The following RAD51B variants were observed in gnomAD, a reference collection of about 807,000 sequenced individuals.
The protein encoded by RAD51B is DNA repair protein RAD51 homolog 2.
RAD51B carries 38 observed loss-of-function variants against 42.2 expected under a neutral mutation model. The ratio of observed to expected loss-of-function variants is 0.90; its 90% confidence interval spans 0.70 to 1.18. RAD51B has a LOEUF of 1.18. Ranked by LOEUF, RAD51B falls within the 50% of genes most tolerant of loss-of-function variation. The pLI, the probability that RAD51B is intolerant of heterozygous loss-of-function variation, is 0.00. For missense variants in RAD51B, 373 were observed against 400.7 expected (o/e 0.93, Z 0.59); for synonymous variants, 154 against 145.2 (o/e 1.06, Z -0.43).
intron 10 of RAD51B, among the ~76,000 whole-genome samples, chr14:68,603,855 C>G (rs930031157): frequency 3.3e-5 from 5 of 152,230 alleles, no homozygotes; most frequent in Non-Finnish European, 5.9e-5. Context: ...TGCTGTCAGG[C>G]TACCTCCGTG....
At chr14:68,335,114 T>G (rs2082424421) in intron 8 of RAD51B, among the ~76,000 whole-genome samples, 1 of 150,244 alleles carries the variant, frequency 6.7e-6, no homozygotes, top group Non-Finnish European at 1.5e-5. Flanking sequence ...CTGGCCAACA[T>G]AGTCAAACCA....
chr14:68,091,743 T>C (rs888142597), intron 7 of RAD51B, among the ~76,000 whole-genome samples: 1 of 152,240 alleles, frequency 6.6e-6, no homozygotes, highest in African/African-American at 2.4e-5. Flanking sequence ...TGGCCATTGC[T>C]TTTGGTGTGT....
At chr14:67,921,749 A>G (rs1427125958) in intron 7 of RAD51B, among the ~76,000 whole-genome samples, 1 of 151,950 alleles carries the variant, frequency 6.6e-6, no homozygotes, top group Non-Finnish European at 1.5e-5. Context: ...CCAGTTCCCA[A>G]CTGGTGCCAC....
At chr14:68,380,666 A>G (rs1228276048) in intron 8 of RAD51B, among the ~76,000 whole-genome samples, 2 of 152,254 alleles carry the variant, frequency 1.3e-5, no homozygotes, top group Admixed American at 6.5e-5. Context: ...TGCCTGTGCC[A>G]TAACTCACTC....
At chr14:68,573,401 T>C (rs1594986859) in intron 10 of RAD51B, among the ~76,000 whole-genome samples, 1 of 152,346 alleles carries the variant, frequency 6.6e-6, no homozygotes, top group East Asian at 1.9e-4. Flanking sequence ...TCCTTCCACC[T>C]GGATTGCTCC....
At chr14:67,929,771 A>G (rs1595123040) in intron 7 of RAD51B, among the ~76,000 whole-genome samples, 1 of 147,312 alleles carries the variant, frequency 6.8e-6, no homozygotes, top group Non-Finnish European at 1.5e-5. Context: ...TGATCCCTTT[A>G]TCATTATATA....
rs111785051 is a variant in RAD51B at position 68,340,807 on chromosome 14, C to T, written c.853+48827C>T. Among the ~76,000 whole-genome samples, 915 of 152,288 alleles carry T rather than the reference C, an allele frequency of 6.0e-3. 5 individuals are homozygous for T. The highest frequency in any genetic ancestry group is 7.9e-3 in the Non-Finnish European group (538 of 68,026). On this transcript the variant is annotated intron_variant, in intron 8 of 10. Coordinates refer to ENST00000471583, the MANE Select transcript of RAD51B (RefSeq NM_133510.4). ...TTGGGATATCCCAAGACATCCATGA[C>T]GCTTGGCTCTCTAGGACATTGAAAT...
chr14:68,145,210 A>G (rs944920219), intron 7 of RAD51B, among the ~76,000 whole-genome samples: 1 of 152,174 alleles, frequency 6.6e-6, no homozygotes. Flanking sequence ...CTTCTGACCC[A>G]TTGTCTAGTG....
At chr14:68,462,738 G>T (rs1345701896) in intron 9 of RAD51B, among the ~76,000 whole-genome samples, 1 of 152,180 alleles carries the variant, frequency 6.6e-6, no homozygotes, top group African/African-American at 2.4e-5. Flanking sequence ...AAAGAGAGGA[G>T]AAAGTGTATT....
At chr14:68,250,381 A>T (rs901987815) in intron 7 of RAD51B, among the ~76,000 whole-genome samples, 1 of 152,352 alleles carries the variant, frequency 6.6e-6, no homozygotes, top group Admixed American at 6.5e-5. Context: ...AAAATGAGTC[A>T]TGGCTTGTTT....
chr14:67,990,065 T>TCGGCTCA (rs2075268893), intron 7 of RAD51B, among the ~76,000 whole-genome samples: 1 of 146,836 alleles, frequency 6.8e-6, no homozygotes, highest in African/African-American at 2.5e-5. Context: ...TGGCGCAATC[T>TCGGCTCA]CGGCTCACTG....
intron 7 of RAD51B, among the ~76,000 whole-genome samples, chr14:68,041,746 G>C (rs892179320): frequency 6.6e-6 from 1 of 152,086 alleles, no homozygotes; most frequent in African/African-American, 2.4e-5. Context: ...ATGTCATCCT[G>C]ACTCTTAGCT....
chr14:67,943,982 A>G (rs1180767279), intron 7 of RAD51B, among the ~76,000 whole-genome samples: 1 of 152,056 alleles, frequency 6.6e-6, no homozygotes, highest in Non-Finnish European at 1.5e-5. Flanking sequence ...AATTTGCTAC[A>G]TTTCTCATTT....
chr14:67,874,194 A>G (rs909943868), intron 5 of RAD51B, among the ~76,000 whole-genome samples: 4 of 152,198 alleles, frequency 2.6e-5, no homozygotes, highest in Non-Finnish European at 5.9e-5. Flanking sequence ...TATTTTTAGA[A>G]GCAATGCACT....
chr14:68,626,890 C>T (rs1303809361), intron 10 of RAD51B, among the ~76,000 whole-genome samples: 1 of 152,158 alleles, frequency 6.6e-6, no homozygotes, highest in Admixed American at 6.5e-5. Context: ...TCTATTACAG[C>T]TTCCTTTATA....
intron 10 of RAD51B, among the ~76,000 whole-genome samples, chr14:68,545,111 G>T (rs1045268189): frequency 4.6e-5 from 7 of 152,216 alleles, no homozygotes; most frequent in Non-Finnish European, 1.0e-4. Context: ...ACCAACTCAT[G>T]ATCTAGATGA....
chr14:68,143,687 C>G (rs1185951764), intron 7 of RAD51B, among the ~76,000 whole-genome samples: 5 of 152,208 alleles, frequency 3.3e-5, no homozygotes, highest in Non-Finnish European at 5.9e-5. Flanking sequence ...AAGTCCTTGC[C>G]TAATCTCCTT....
At chr14:68,581,473 G>A (rs1017653436) in intron 10 of RAD51B, among the ~76,000 whole-genome samples, 1 of 152,068 alleles carries the variant, frequency 6.6e-6, no homozygotes, top group Non-Finnish European at 1.5e-5. Flanking sequence ...CATTTATCTG[G>A]ATGTAATCTC....
intron 7 of RAD51B, among the ~76,000 whole-genome samples, chr14:68,228,855 A>T (rs2080092910): frequency 6.6e-6 from 1 of 152,210 alleles, no homozygotes; most frequent in Non-Finnish European, 1.5e-5. Context: ...AATCTAAATG[A>T]TTGCTAAGGT....
Sources: allele counts gnomAD v4.1 joint callset (sites outside exome capture counted in the v4.1 genomes callset), GRCh38; gene constraint gnomAD v4.1.1; transcripts MANE v1.5; gene names NCBI Gene and HGNC (gene_info 2026-07-23, HGNC 2026-07-21).